The following SLC2A9 variants were observed in gnomAD, a reference collection of about 807,000 sequenced individuals.
SLC2A9 encodes solute carrier family 2, facilitated glucose transporter member 9.
A neutral mutation model predicts 50.6 loss-of-function variants in SLC2A9; 39 were observed. That is an observed-to-expected ratio of 0.77 (90% CI 0.60 to 1.01). The LOEUF is 1.01. Ranked by LOEUF, SLC2A9 falls within the 50% of genes least tolerant of loss-of-function variation. The pLI is 0.00. For missense variants in SLC2A9, 686 were observed against 677.6 expected, an observed-to-expected ratio of 1.01 and a Z score of -0.14; for synonymous variants, 324 against 276.9, an observed-to-expected ratio of 1.17 and a Z score of -1.69.
intron 4 of SLC2A9, among the ~76,000 whole-genome samples, chr4:9,982,107 C>T (rs1046973874): frequency 1.3e-5 from 2 of 152,150 alleles, no homozygotes; most frequent in Admixed American, 6.5e-5. Flanking sequence ...CTCGAACTCC[C>T]GACCTCAGAT....
downstream of SLC2A9, among the ~76,000 whole-genome samples, chr4:9,779,067 G>T (rs1717959327): frequency 6.6e-6 from 1 of 151,970 alleles, no homozygotes. Context: ...CACCTGGCTG[G>T]TCTCATCACA....
At chr4:10,025,591 C>G, upstream of SLC2A9, 1 of 340,176 alleles carries the variant, frequency 2.9e-6, no homozygotes, top group Non-Finnish European at 5.5e-6. Context: ...GTATCTTTAA[C>G]GATGATGACA....
At chr4:10,039,491 A>G (rs1764210377) in intron 1 of SLC2A9, among the ~76,000 whole-genome samples, 1 of 152,182 alleles carries the variant, frequency 6.6e-6, no homozygotes, top group African/African-American at 2.4e-5. Flanking sequence ...GCTATTCTCT[A>G]TCTTCATGAA....
chr4:9,863,862 G>A (rs1732032319), intron 10 of SLC2A9, among the ~76,000 whole-genome samples: 2 of 152,108 alleles, frequency 1.3e-5, no homozygotes, highest in Admixed American at 1.3e-4. Flanking sequence ...AAGAAGTCGA[G>A]TTGATGTATT....
intron 1 of SLC2A9, 127 bp downstream of exon 1, chr4:10,021,153 T>A: frequency 2.0e-6 from 2 of 996,888 alleles, no homozygotes; most frequent in Non-Finnish European, 3.1e-6. Flanking sequence ...GAGGCCTCCC[T>A]GCCTCAAAGC....
intron 6 of SLC2A9, among the ~76,000 whole-genome samples, chr4:9,930,749 CT>C (rs1398385558): frequency 6.6e-6 from 1 of 152,190 alleles, no homozygotes; most frequent in Non-Finnish European, 1.5e-5. Flanking sequence ...GGCAAGAGCT[CT>C]GATGTGTGGG....
chr4:9,858,689 C>A (rs1369834334), intron 10 of SLC2A9, among the ~76,000 whole-genome samples: 1 of 152,112 alleles, frequency 6.6e-6, no homozygotes, highest in African/African-American at 2.4e-5. Flanking sequence ...GCTAGTAAGG[C>A]AGAGGCAGAG....
chr4:9,959,700 A>G (rs1751938278), intron 5 of SLC2A9, among the ~76,000 whole-genome samples: 2 of 152,154 alleles, frequency 1.3e-5, no homozygotes, highest in Non-Finnish European at 2.9e-5. Context: ...ATTTAAGACA[A>G]AGATTAGTTG....
chr4:9,848,767 C>T (rs1267827070), intron 10 of SLC2A9, among the ~76,000 whole-genome samples: 6 of 150,106 alleles, frequency 4.0e-5, no homozygotes, highest in African/African-American at 1.2e-4. Context: ...TGCAGTGGCA[C>T]GATCTCGGCT....
At chr4:9,772,828 T>TA (rs1483181982) in intron 1 of SLC2A9, among the ~76,000 whole-genome samples, 110 of 151,648 alleles carry the variant, frequency 7.3e-4, no homozygotes, top group Non-Finnish European at 9.9e-4. Context: ...TTTTTTTATT[T>TA]TTTTTTTATT....
intron 3 of SLC2A9, among the ~76,000 whole-genome samples, chr4:9,992,925 T>C (rs1757965735): frequency 6.6e-6 from 1 of 152,196 alleles, no homozygotes; most frequent in Non-Finnish European, 1.5e-5. Flanking sequence ...TTTACAGATT[T>C]AAAAATTAAA....
chr4:9,818,301 G>T (rs1387232868), intron 3 of SLC2A9, among the ~76,000 whole-genome samples: 1 of 152,204 alleles, frequency 6.6e-6, no homozygotes, highest in African/African-American at 2.4e-5. Flanking sequence ...AAGCAAGGAG[G>T]ACTAATCTTC....
Position 10,004,447 on chromosome 4 carries a change from C to T in SLC2A9, c.250-7506G>A, listed in dbSNP as rs145803715. ...GGGACATGTGTGACCTCCACCAAGACGCTGAGAATGTGTTTGCCTGCTCCA... is the reference window on the plus strand; with the variant it reads ...GGGACATGTGTGACCTCCACCAAGATGCTGAGAATGTGTTTGCCTGCTCCA... On this transcript the variant is annotated intron_variant, in intron 2 of 11. Transcript: ENST00000264784. 2.1e-3 allele frequency among the ~76,000 whole-genome samples: 324 copies of T among 152,262 alleles called. 1 individual carries two copies. Among genetic ancestry groups the T allele is most frequent in the African/African-American group, 7.2e-3 (301 of 41,562 alleles).
intron 5 of SLC2A9, among the ~76,000 whole-genome samples, chr4:9,978,667 A>G (rs1755207321): frequency 6.6e-6 from 1 of 152,242 alleles, no homozygotes; most frequent in Non-Finnish European, 1.5e-5. Context: ...AATTAATTAT[A>G]GAAATCGTCA....
rs550715691 is a variant in SLC2A9, at chr4:9,878,945, T to C, written c.1291+8622A>G. On this transcript the variant is annotated intron_variant, in intron 10 of 11. Coordinates refer to ENST00000264784, the MANE Select transcript of SLC2A9 (RefSeq NM_020041.3). ...TTTGGTGTCAAAATACACACACACA[T>C]TTGGTGTGAGCTGTGGTGGTAGAAA... The C allele has an allele frequency of 1.0e-5, 7 of 697,246 alleles. No individual in the cohort carries two copies. The South Asian group carries it at 1.9e-4, about 19-fold the overall frequency. The allele number at this position is 697,246 out of a possible 1,614,324, so 43.2% of individuals were successfully genotyped here.
intron 1 of SLC2A9, among the ~76,000 whole-genome samples, chr4:10,039,140 C>T (rs777216836): frequency 6.6e-6 from 1 of 152,242 alleles, no homozygotes; most frequent in Non-Finnish European, 1.5e-5. Context: ...GAATCTCCGA[C>T]TTCATGCTTG....
intron 3 of SLC2A9, chr4:9,782,184 T>C (rs747790549): frequency 5.0e-6 from 8 of 1,605,626 alleles, no homozygotes; most frequent in Non-Finnish European, 5.1e-6. Flanking sequence ...CTACTCATCA[T>C]CTGGACCCTG....
chr4:9,799,692 A>AACCCC (rs1553813205), intron 3 of SLC2A9, among the ~76,000 whole-genome samples: 2 of 69,808 alleles, frequency 2.9e-5, no homozygotes, highest in Non-Finnish European at 2.7e-5. Context: ...TTCCAATTGT[A>AACCCC]CCCCCCCCCC....
chr4:9,867,962 C>G (rs1732768647), intron 10 of SLC2A9, among the ~76,000 whole-genome samples: 1 of 152,188 alleles, frequency 6.6e-6, no homozygotes, highest in South Asian at 2.1e-4. Flanking sequence ...CAGACACACT[C>G]AATTACAGGC....
Sources: gnomAD v4.1 joint callset for allele counts (sites outside exome capture counted in the v4.1 genomes callset) on GRCh38, gnomAD v4.1.1 for gene constraint, MANE v1.5 for transcripts, NCBI Gene and HGNC (gene_info 2026-07-23, HGNC 2026-07-21) for gene names.